MMP16: variants seen among roughly 807,000 people sequenced by gnomAD.
MMP16 encodes the protein matrix metallopeptidase 16.
In MMP16, 12 loss-of-function variants were observed where a neutral mutation model predicts 67.8. The observed-to-expected ratio is 0.18, with a 90% CI of 0.11 to 0.29. MMP16 has a LOEUF of 0.29. Ranked by LOEUF, MMP16 falls within the 10% of genes least tolerant of loss-of-function variation. MMP16 has a pLI of 1.00. For missense variants in MMP16, 475 were observed against 765.7 expected (o/e 0.62, Z 4.48); for synonymous variants, 249 against 255.9 (o/e 0.97, Z 0.26).
chr8:88,169,460 G>A (rs1359872864), intron 3 of MMP16, among the ~76,000 whole-genome samples: 1 of 152,080 alleles, frequency 6.6e-6, no homozygotes, highest in African/African-American at 2.4e-5. Flanking sequence ...GAATTTTAGA[G>A]AAAAACCTCT....
chr8:88,194,859 A>C (rs1176790324), intron 2 of MMP16, among the ~76,000 whole-genome samples: 1 of 152,170 alleles, frequency 6.6e-6, no homozygotes, highest in Non-Finnish European at 1.5e-5. Context: ...AAAAATAAAA[A>C]CAATACAGCT....
At chr8:88,204,148 G>A (rs559083978) in intron 1 of MMP16, among the ~76,000 whole-genome samples, 23 of 152,156 alleles carry the variant, frequency 1.5e-4, no homozygotes, top group Non-Finnish European at 2.8e-4. Flanking sequence ...ATAATCTGCC[G>A]AAAGAACAGT....
At chr8:88,097,140 T>C (rs1809042173) in intron 6 of MMP16, among the ~76,000 whole-genome samples, 2 of 151,984 alleles carry the variant, frequency 1.3e-5, no homozygotes. Flanking sequence ...AAAGTCCTTA[T>C]AACTTTGGTA....
chr8:88,131,788 CT>C (rs1482417347), intron 4 of MMP16, among the ~76,000 whole-genome samples: 3 of 151,838 alleles, frequency 2.0e-5, no homozygotes, highest in Non-Finnish European at 2.9e-5. Context: ...ATTTTTACCC[CT>C]CTCACTTTCT....
chr8:88,177,271 T>C (rs2129728272), intron 3 of MMP16, among the ~76,000 whole-genome samples: 1 of 152,344 alleles, frequency 6.6e-6, no homozygotes, highest in East Asian at 1.9e-4. Flanking sequence ...TGCTTCGATA[T>C]ATAAAATGTT....
intron 4 of MMP16, among the ~76,000 whole-genome samples, chr8:88,149,514 G>A (rs1808361720): frequency 6.6e-6 from 1 of 152,206 alleles, no homozygotes; most frequent in Admixed American, 6.5e-5. Flanking sequence ...CTGGAGATCT[G>A]AGAACGGGGG....
At chr8:88,142,455 T>C (rs963596732) in intron 4 of MMP16, among the ~76,000 whole-genome samples, 1 of 152,092 alleles carries the variant, frequency 6.6e-6, no homozygotes, top group Non-Finnish European at 1.5e-5. Flanking sequence ...GTAATTAATA[T>C]ATATCTACTG....
intron 1 of MMP16, among the ~76,000 whole-genome samples, chr8:88,227,377 C>T (rs1044500830): frequency 6.6e-6 from 1 of 151,962 alleles, no homozygotes; most frequent in East Asian, 1.9e-4. Context: ...CGAAAAATTA[C>T]CACAGAAATA....
intron 1 of MMP16, among the ~76,000 whole-genome samples, chr8:88,296,169 T>C (rs1811010455): frequency 6.6e-6 from 1 of 152,184 alleles, no homozygotes; most frequent in Admixed American, 6.5e-5. Context: ...CGCCAGCTTC[T>C]ACTAATTAAC....
Position 88,039,825 on chromosome 8 carries a change from T to C in MMP16, c.*1636A>G, listed in dbSNP as rs1374486187. On this transcript the variant is annotated 3_prime_UTR_variant, in exon 10 of 10. Transcript: ENST00000286614. The surrounding 1 kb of genome is among the most constrained non-coding windows in gnomAD (Gnocchi z 4.5). ...TGCTGACTTTTCTCTAGGAAAAAAA[T>C]ATTGATACAAACCTGCTCTGCAGGT... 6.6e-6 allele frequency: 1 copy of C among 152,550 alleles called. No homozygotes were observed. Among genetic ancestry groups the C allele is most frequent in the Non-Finnish European group, 1.5e-5 (1 of 68,034 alleles). 9.4% of individuals were successfully genotyped at this position (152,550 alleles called of 1,614,324 possible). A position where few individuals can be genotyped will look rare whatever the true frequency, so the allele number is the denominator to read the frequency against.
chr8:88,046,982 G>T lies in MMP16; in HGVS notation c.1374-198C>A, dbSNP rs186188115. On this transcript the variant is annotated intron_variant, in intron 8 of 9. Transcript: ENST00000286614. Reference sequence around the variant, plus strand: ...TAACTGAAAATACAATGGGCATAAGGCATTTATTCTGTTTCTTCTCCTGCA... The same window carrying T: ...TAACTGAAAATACAATGGGCATAAGTCATTTATTCTGTTTCTTCTCCTGCA... Among the ~76,000 whole-genome samples the T allele has an allele frequency of 1.3e-3, 196 of 152,184 alleles. 1 individual carries two copies. The highest frequency in any genetic ancestry group is 0.01 in the Middle Eastern group (3 of 294).
intron 1 of MMP16, among the ~76,000 whole-genome samples, chr8:88,236,374 T>C (rs1563570175): frequency 6.6e-6 from 1 of 152,238 alleles, no homozygotes; most frequent in Non-Finnish European, 1.5e-5. Flanking sequence ...TAGGCACTCA[T>C]AAACTAGCAG....
chr8:88,262,963 T>C (rs943252510), intron 1 of MMP16, among the ~76,000 whole-genome samples: 2 of 150,964 alleles, frequency 1.3e-5, no homozygotes, highest in African/African-American at 2.4e-5. Flanking sequence ...AGGTGGAGCT[T>C]GCAGTGAGCC....
chr8:88,077,639 T>C (rs1240972590), intron 6 of MMP16, among the ~76,000 whole-genome samples: 1 of 152,178 alleles, frequency 6.6e-6, no homozygotes, highest in Non-Finnish European at 1.5e-5. Context: ...TTACACATAA[T>C]AGGTGCACAA....
chr8:88,200,788 T>C (rs1443296960), intron 1 of MMP16, among the ~76,000 whole-genome samples: 2 of 151,892 alleles, frequency 1.3e-5, no homozygotes, highest in African/African-American at 4.8e-5. Flanking sequence ...CCTATGTTAA[T>C]TGACTCATTC....
chr8:88,286,765 T>C (rs1212358199), intron 1 of MMP16, among the ~76,000 whole-genome samples: 2 of 151,626 alleles, frequency 1.3e-5, no homozygotes, highest in Non-Finnish European at 2.9e-5. Context: ...TTAGTAGAGA[T>C]GGGGTTTCAC....
intron 7 of MMP16, among the ~76,000 whole-genome samples, chr8:88,059,456 T>C (rs1808369683): frequency 6.6e-6 from 1 of 152,136 alleles, no homozygotes; most frequent in Non-Finnish European, 1.5e-5. Flanking sequence ...TGGGATTTTC[T>C]ACAAAGTCCA....
chr8:88,235,029 T>A (rs1054070687), intron 1 of MMP16, among the ~76,000 whole-genome samples: 3 of 152,158 alleles, frequency 2.0e-5, no homozygotes, highest in Admixed American at 2.0e-4. Flanking sequence ...AGCTTCTCCA[T>A]CTTCTTGAAG....
chr8:88,184,600 A>C lies in MMP16; in HGVS notation c.404+1876T>G, dbSNP rs1425439315. 2.1e-5 allele frequency among the ~76,000 whole-genome samples: 3 copies of C among 142,330 alleles called. No homozygotes were observed. The South Asian group carries it at 6.8e-4, about 32-fold the overall frequency. The allele number at this position is 142,330 out of a possible 152,430, so 93.4% of individuals were successfully genotyped here. The stretch of plus-strand genomic sequence containing the variant: ...AAAAAAAAAAAAAAAAGCAAAAATT[A>C]GCTGGGCATGGTCGTGCACACCTAT... On this transcript the variant is annotated intron_variant, in intron 3 of 9. Transcript: ENST00000286614.
Sources: gnomAD v4.1 joint callset for allele counts (sites outside exome capture counted in the v4.1 genomes callset) on GRCh38, gnomAD v4.1.1 for gene constraint, Gnocchi (gnomAD v3.1) non-coding constraint, MANE v1.5 for transcripts, NCBI Gene and HGNC (gene_info 2026-07-23, HGNC 2026-07-21) for gene names.